Variants in MACROD2 observed in about 807,000 individuals in gnomAD.
MACROD2 encodes mono-ADP ribosylhydrolase 2.
A neutral mutation model predicts 70.4 loss-of-function variants in MACROD2; 36 were observed. The observed-to-expected ratio is 0.51, with a 90% CI of 0.39 to 0.68. MACROD2 has a LOEUF of 0.68. Ranked by LOEUF, MACROD2 falls within the 30% of genes least tolerant of loss-of-function variation. The pLI is 0.00. For synonymous variants in MACROD2, 172 were observed against 178.8 expected, an observed-to-expected ratio of 0.96 and a Z score of 0.30; for missense variants, 496 against 538.4, an observed-to-expected ratio of 0.92 and a Z score of 0.78.
At chr20:15,605,936 T>A (rs1363018571) in intron 8 of MACROD2, among the ~76,000 whole-genome samples, 1 of 152,248 alleles carries the variant, frequency 6.6e-6, no homozygotes, top group Non-Finnish European at 1.5e-5. Flanking sequence ...TCTTCACAGA[T>A]GTTCCACTGC....
At chr20:14,905,298 A>G (rs1292348166) in intron 5 of MACROD2, 2 of 152,192 alleles carry the variant, frequency 1.3e-5, no homozygotes, top group East Asian at 3.9e-4. Flanking sequence ...CAATTCAGAA[A>G]GAATAGCATG....
At chr20:14,464,953 A>T (rs527885779) in intron 3 of MACROD2, among the ~76,000 whole-genome samples, 38 of 152,200 alleles carry the variant, frequency 2.5e-4, no homozygotes, top group South Asian at 8.3e-4. Context: ...CTTTACTTCC[A>T]ACTATGTGGT....
At chr20:16,045,288 A>T (rs1251909772) in intron 17 of MACROD2, among the ~76,000 whole-genome samples, 1 of 152,124 alleles carries the variant, frequency 6.6e-6, no homozygotes, top group Non-Finnish European at 1.5e-5. Flanking sequence ...GTTTTTCCAG[A>T]CCAACATTCT....
At chr20:15,548,997 C>G (rs1332015801) in intron 8 of MACROD2, among the ~76,000 whole-genome samples, 2 of 152,210 alleles carry the variant, frequency 1.3e-5, no homozygotes, top group Non-Finnish European at 1.5e-5. Flanking sequence ...CAGCTGACTT[C>G]TTACTTCATC....
At chr20:15,341,261 T>C (rs1369538812) in intron 6 of MACROD2, among the ~76,000 whole-genome samples, 1 of 152,232 alleles carries the variant, frequency 6.6e-6, no homozygotes, top group African/African-American at 2.4e-5. Context: ...TTTTTTATTA[T>C]TGCTCACAAA....
intron 8 of MACROD2, among the ~76,000 whole-genome samples, chr20:15,537,162 C>A (rs62195568): frequency 0.032 from 4,902 of 152,282 alleles, 105 homozygotes; most frequent in Non-Finnish European, 0.044. Flanking sequence ...GTGAATAAGT[C>A]TCACGAGATC....
intron 15 of MACROD2, among the ~76,000 whole-genome samples, chr20:16,033,035 T>C (rs1040307043): frequency 3.9e-5 from 6 of 152,122 alleles, no homozygotes; most frequent in Non-Finnish European, 7.4e-5. Flanking sequence ...ACAATTATTC[T>C]TGGCACTTGT....
intron 5 of MACROD2, among the ~76,000 whole-genome samples, chr20:14,841,044 T>TA (rs1387691671): frequency 2.0e-5 from 3 of 152,160 alleles, no homozygotes; most frequent in African/African-American, 7.2e-5. Context: ...TCTAAGAGTG[T>TA]AAAAAATAAC....
intron 11 of MACROD2, among the ~76,000 whole-genome samples, chr20:15,936,688 T>TATATATATATATATATATATATATATATA (rs11473996): frequency 1.4e-4 from 21 of 150,648 alleles, no homozygotes; most frequent in East Asian, 3.9e-4. Context: ...TATATATATA[T>TATATATATATATATATATATATATATATA]TCATTTTCCA....
chr20:14,373,191 C>T (rs890605802), intron 3 of MACROD2, among the ~76,000 whole-genome samples: 5 of 152,006 alleles, frequency 3.3e-5, no homozygotes, highest in African/African-American at 1.2e-4. Flanking sequence ...CTCAGACTTT[C>T]CAAACTACCA....
At chr20:15,568,979 A>G (rs1029529431) in intron 8 of MACROD2, among the ~76,000 whole-genome samples, 4 of 152,172 alleles carry the variant, frequency 2.6e-5, no homozygotes, top group South Asian at 2.1e-4. Flanking sequence ...CTGCCATGTC[A>G]TGATCACAGC....
At chr20:15,835,002 C>G (rs1002239524) in intron 8 of MACROD2, among the ~76,000 whole-genome samples, 4 of 152,182 alleles carry the variant, frequency 2.6e-5, no homozygotes, top group Admixed American at 1.3e-4. Context: ...GTGTACCTCT[C>G]CCTCTGGAGG....
chr20:15,166,043 G>A (rs937049910), intron 5 of MACROD2, among the ~76,000 whole-genome samples: 2 of 152,092 alleles, frequency 1.3e-5, no homozygotes, highest in African/African-American at 2.4e-5. Flanking sequence ...ATTTATAAAC[G>A]ACGTATCCAA....
At chr20:15,030,071 C>T (rs1373530985) in intron 5 of MACROD2, among the ~76,000 whole-genome samples, 1 of 142,950 alleles carries the variant, frequency 7.0e-6, no homozygotes, top group Non-Finnish European at 1.5e-5. Context: ...CAGAGCAAGA[C>T]TCCGTCTCCA....
Position 14,574,001 on chromosome 20 carries a change from A to G in MACROD2, c.301+80493A>G, listed in dbSNP as rs1358634691. Among the ~76,000 whole-genome samples the G allele has an allele frequency of 2.0e-5, 3 of 152,174 alleles. No individual in the cohort carries two copies. In the East Asian group the frequency reaches 5.8e-4, roughly 29 times the overall value. On this transcript the variant is annotated intron_variant, in intron 4 of 17. Coordinates refer to ENST00000684519, the MANE Select transcript of MACROD2 (RefSeq NM_001351661.2). ...CTTCTTCAGGGTTGACTTTTTGAGCACATGAAGTAGTAGCCTTAACCACGT... is the reference window on the plus strand; with the variant it reads ...CTTCTTCAGGGTTGACTTTTTGAGCGCATGAAGTAGTAGCCTTAACCACGT...
In MACROD2 at chr20:14,122,224, C is replaced by G. The variant is rs145508855; in HGVS notation, c.271+36496C>G. On this transcript the variant is annotated intron_variant, in intron 3 of 17. Transcript: ENST00000684519. ...CAGGAAACTTGGATTTGAATTGTCT[C>G]TCTTTTAGTTATTATCTGTGGCAAG... Among the ~76,000 whole-genome samples the G allele has an allele frequency of 4.8e-3, 729 of 152,236 alleles. 2 individuals carry two copies. Among genetic ancestry groups the G allele is most frequent in the African/African-American group, 0.016 (685 of 41,538 alleles).
intron 5 of MACROD2, among the ~76,000 whole-genome samples, chr20:15,084,710 TTCTTTTAAGCATACA>T (rs1182337580): frequency 2.0e-5 from 3 of 152,332 alleles, no homozygotes; most frequent in African/African-American, 7.2e-5. Context: ...AGTTATTTTT[TTCTTTTAAGCATACA>T]TTCAGTTCTT....
intron 5 of MACROD2, among the ~76,000 whole-genome samples, chr20:15,131,018 C>T (rs866707744): frequency 3.9e-5 from 6 of 152,160 alleles, no homozygotes; most frequent in African/African-American, 9.6e-5. Context: ...AAAGCCCAAA[C>T]ACTCCCCCTT....
At chr20:14,487,630 A>G (rs1307960281) in intron 3 of MACROD2, among the ~76,000 whole-genome samples, 1 of 152,116 alleles carries the variant, frequency 6.6e-6, no homozygotes, top group Non-Finnish European at 1.5e-5. Flanking sequence ...TATATATTTA[A>G]CAAGTATTTA....
Sources: allele counts gnomAD v4.1 joint callset (sites outside exome capture counted in the v4.1 genomes callset), GRCh38; gene constraint gnomAD v4.1.1; transcripts MANE v1.5; gene names NCBI Gene and HGNC (gene_info 2026-07-23, HGNC 2026-07-21).